ZNF180: variants seen among roughly 807,000 people sequenced by gnomAD.
The protein encoded by ZNF180 is zinc finger protein 180.
In ZNF180, 11 loss-of-function variants were observed where a neutral mutation model predicts 11.8. That is an observed-to-expected ratio of 0.93 (90% CI 0.59 to 1.55). ZNF180 has a LOEUF of 1.55. Ranked by LOEUF, ZNF180 falls within the 40% of genes most tolerant of loss-of-function variation. The pLI is 0.00. For synonymous variants in ZNF180, 287 were observed against 257.7 expected (o/e 1.11, Z -1.09); for missense variants, 773 against 781.7 (o/e 0.99, Z 0.13).
intron 1 of ZNF180, among the ~76,000 whole-genome samples, chr19:44,497,821 C>G (rs1463999758): frequency 1.3e-5 from 2 of 152,166 alleles, no homozygotes; most frequent in Non-Finnish European, 2.9e-5. Context: ...TTCCTAGGGC[C>G]AGAATCACAC....
At position 44,475,074 on chromosome 19, in the gene ZNF180, CTTA is replaced by C. The variant is rs1341633661; in HGVS notation, c.*1325_*1327del. 2 of 152,180 alleles carry C rather than the reference CTTA, an allele frequency of 1.3e-5. No individual in the cohort carries two copies. Among genetic ancestry groups the C allele is most frequent in the African/African-American group, 4.8e-5 (2 of 41,440 alleles). The allele number at this position is 152,180 out of a possible 1,614,324, so 9.4% of individuals were successfully genotyped here. A position where few individuals can be genotyped will look rare whatever the true frequency, so the allele number is the denominator to read the frequency against. On this transcript the variant is annotated 3_prime_UTR_variant, in exon 5 of 5. Transcript: ENST00000592529. ...TCTGGTCTCTCAGTTCAACTTTCAG[CTTA>C]TTACCTTTCTGGGATCAGAGGCTTC...
intron 2 of ZNF180, 104 bp from the exon 3 acceptor site, chr19:44,484,539 T>C (rs1970172969): frequency 1.3e-6 from 1 of 765,290 alleles, no homozygotes; most frequent in Non-Finnish European, 2.3e-6. Context: ...ACCACCTATT[T>C]TAACGCATCC....
In ZNF180 at chr19:44,476,512, C is replaced by T. The variant is rs1555731309; in HGVS notation, c.1888G>A (p.Gly630Arg). The change falls in exon 5 of 5, where the codon GGA (glycine) becomes AGA (arginine). Residue 630 changes from glycine to arginine, a missense_variant. Gly to Arg is a moderately radical substitution (Grantham distance 125). Transcript: ENST00000592529. ...TGAATACATGTAAAGGGTTTCTCTC[C>T]AGTATGAGTTCTTTGATGCACAATA... ...RLIVHQRTHT[G>R]EKPFTCIQCG... is the part of the protein sequence containing the mutation. 1 of 1,614,096 alleles carries T rather than the reference C, an allele frequency of 6.2e-7. No individual in the cohort carries two copies. The highest frequency in any genetic ancestry group is 1.1e-5 in the South Asian group (1 of 91,074).
At chr19:44,499,975 G>C (rs1172118425) in intron 1 of ZNF180, among the ~76,000 whole-genome samples, 1 of 152,180 alleles carries the variant, frequency 6.6e-6, no homozygotes, top group Admixed American at 6.5e-5. Context: ...CATTGGAGGA[G>C]GGGAGTTCTC....
Position 44,477,408 on chromosome 19 carries a change from C to G in ZNF180, c.992G>C (p.Cys331Ser). 6.2e-7 allele frequency: 1 copy of G among 1,614,206 alleles called. No homozygotes were observed. The highest frequency in any genetic ancestry group is 2.2e-5 in the East Asian group (1 of 44,890). Residue 331 changes from cysteine to serine, a missense_variant, in exon 5 of 5, where the codon TGT becomes TCT. Transcript: ENST00000592529. The part of the protein sequence containing the change: ...SEEKPFECNQ[C>S]GKSFSWSSHL... ...CGAGCTCCAGCTGAAGGATTTCCCA[C>G]ACTGATTACATTCAAAAGGTTTCTC... is the stretch of plus-strand genomic sequence containing the variant.
At position 44,476,938 on chromosome 19, in the gene ZNF180, G is replaced by A. The variant is rs145650538; in HGVS notation, c.1462C>T (p.His488Tyr). 6.2e-7 allele frequency: 1 copy of A among 1,613,792 alleles called. No homozygotes were observed. The highest frequency in any genetic ancestry group is 8.5e-7 in the Non-Finnish European group (1 of 1,179,926). Residue 488 changes from histidine to tyrosine, a missense_variant, in exon 5 of 5, where the codon CAC becomes TAC. Coordinates refer to ENST00000592529, the MANE Select transcript of ZNF180 (RefSeq NM_001278509.3). ...CATTCAAAGGGTTTTTCTCCTGTGT[G>A]AGTTCTCTGATGAGCAACAAGTTTA... is the stretch of plus-strand genomic sequence containing the variant. ...SYKLVAHQRT[H>Y]TGEKPFECNQ...
chr19:44,498,211 C>A (rs1429348433), intron 1 of ZNF180, among the ~76,000 whole-genome samples: 1 of 152,128 alleles, frequency 6.6e-6, no homozygotes, highest in African/African-American at 2.4e-5. Flanking sequence ...CCAGCACAAG[C>A]CAGACAAAAG....
chr19:44,489,956 A>G (rs1970389865), intron 2 of ZNF180, among the ~76,000 whole-genome samples: 1 of 147,250 alleles, frequency 6.8e-6, no homozygotes, highest in African/African-American at 2.6e-5. Flanking sequence ...AAAGAGGGAA[A>G]AGAAAGAAAG....
intron 1 of ZNF180, 51 bp downstream of exon 1, chr19:44,500,224 C>T: frequency 1.9e-6 from 3 of 1,614,116 alleles, no homozygotes; most frequent in South Asian, 2.2e-5. Flanking sequence ...CCGCGTAGAC[C>T]CTGCGCATGC....
At chr19:44,493,494 G>C (rs1056239291) in intron 2 of ZNF180, among the ~76,000 whole-genome samples, 6 of 152,174 alleles carry the variant, frequency 3.9e-5, no homozygotes, top group Non-Finnish European at 1.5e-5. Context: ...TCAAGTACTT[G>C]TTCATCTTCT....
In ZNF180 at chr19:44,495,654, C is replaced by A. The variant is rs1043785441; in HGVS notation, c.51+1630G>T. Among the ~76,000 whole-genome samples, 2 of 152,162 alleles carry A rather than the reference C, an allele frequency of 1.3e-5. No individual in the cohort carries two copies. The highest frequency in any genetic ancestry group is 4.8e-5 in the African/African-American group (2 of 41,434). ...CCTCTCTGGATGCCTTGCTCACCTG[C>A]TCTGACCCCATCACCCCACACCAGA... On this transcript the variant is annotated intron_variant, in intron 2 of 4. Coordinates refer to ENST00000592529, the MANE Select transcript of ZNF180 (RefSeq NM_001278509.3). This position sits in a 1 kb window ranked among gnomAD's most constrained non-coding sequence, Gnocchi z 4.5.
chr19:44,480,285 T>G (rs1156295951), intron 3 of ZNF180, among the ~76,000 whole-genome samples: 1 of 152,140 alleles, frequency 6.6e-6, no homozygotes, highest in Non-Finnish European at 1.5e-5. Flanking sequence ...TTTAAAATTT[T>G]GTAGAGACAG....
rs560161264 is a variant in ZNF180 at position 44,500,496 on chromosome 19, C to G, written c.-265G>C. 3.5e-5 allele frequency: 19 copies of G among 543,962 alleles called. 1 individual carries two copies. Among genetic ancestry groups the G allele is most frequent in the Middle Eastern group, 4.9e-4 (1 of 2,050 alleles). 33.7% of individuals were successfully genotyped at this position (543,962 alleles called of 1,614,324 possible). On this transcript the variant is annotated 5_prime_UTR_variant, in exon 1 of 5. Coordinates refer to ENST00000592529, the MANE Select transcript of ZNF180 (RefSeq NM_001278509.3). ...GAGCTGCTCGGCGACAGCAAGCGTC[C>G]GCGCGCGGGACAATGGCTGCTCTTG...
chr19:44,496,757 GT>G (rs1204295364), intron 2 of ZNF180: 2 of 150,384 alleles, frequency 1.3e-5, no homozygotes, highest in African/African-American at 4.9e-5. Flanking sequence ...TACAGATAAT[GT>G]TTGTTAACTG....
intron 3 of ZNF180, among the ~76,000 whole-genome samples, chr19:44,483,799 G>A (rs1970144896): frequency 6.6e-6 from 1 of 152,068 alleles, no homozygotes; most frequent in Non-Finnish European, 1.5e-5. Context: ...CTTGTTGCCT[G>A]ATGAATAACT....
At chr19:44,496,770 T>C (rs929874329) in intron 2 of ZNF180, 1 of 152,018 alleles carries the variant, frequency 6.6e-6, no homozygotes, top group Admixed American at 6.5e-5. Context: ...TGTTAACTGA[T>C]TGCTATATTT....
rs775032668 is a variant in ZNF180 at position 44,477,227 on chromosome 19, A to C, written c.1173T>G (p.Phe391Leu). 4 of 1,614,048 alleles carry C rather than the reference A, an allele frequency of 2.5e-6. No individual in the cohort carries two copies. Among genetic ancestry groups the C allele is most frequent in the Non-Finnish European group, 3.4e-6 (4 of 1,179,986 alleles). The change falls in exon 5 of 5, where the codon TTT (phenylalanine) becomes TTG (leucine). Residue 391 changes from phenylalanine to leucine, a missense_variant. Transcript: ENST00000592529. ...PYRCNQCGKS[F>L]SQSYVLVVHQ... is the part of the protein sequence containing the mutation. ...GCACAACAAGGACATAACTCTGGCT[A>C]AAGGATTTCCCACATTGATTACACC...
chr19:44,487,826 A>G (rs1352615654), intron 2 of ZNF180, among the ~76,000 whole-genome samples: 1 of 152,080 alleles, frequency 6.6e-6, no homozygotes, highest in Non-Finnish European at 1.5e-5. Flanking sequence ...TCCGGGGTTC[A>G]AGTGACTCTC....
Position 44,476,296 on chromosome 19 carries a change from C to T in ZNF180, c.*106G>A. The stretch of plus-strand genomic sequence containing the variant: ...ATTAACAGAGGGCTGGAAGTTTTCC[C>T]ACATATATTGTTTTTATAGTAGTTC... On this transcript the variant is annotated 3_prime_UTR_variant, in exon 5 of 5. Coordinates refer to ENST00000592529, the MANE Select transcript of ZNF180 (RefSeq NM_001278509.3). 1.8e-6 allele frequency: 2 copies of T among 1,107,652 alleles called. No individual in the cohort carries two copies. The highest frequency in any genetic ancestry group is 2.5e-6 in the Non-Finnish European group (2 of 808,744). The allele number at this position is 1,107,652 out of a possible 1,614,324, so 68.6% of individuals were successfully genotyped here. A position where few individuals can be genotyped will look rare whatever the true frequency, so the allele number is the denominator to read the frequency against.
Sources: allele counts gnomAD v4.1 joint callset (sites outside exome capture counted in the v4.1 genomes callset), GRCh38; gene constraint gnomAD v4.1.1; non-coding constraint Gnocchi (gnomAD v3.1); transcripts MANE v1.5; gene names NCBI Gene and HGNC (gene_info 2026-07-23, HGNC 2026-07-21).